Variants in STAU2 observed in about 807,000 individuals in gnomAD.
The protein encoded by STAU2 is staufen double-stranded RNA binding protein 2.
A neutral mutation model predicts 65.9 loss-of-function variants in STAU2; 20 were observed. That is an observed-to-expected ratio of 0.30 (90% CI 0.21 to 0.44). The LOEUF is 0.44. STAU2 is among the 20% of genes least tolerant of loss of function. STAU2 has a pLI of 1.00. For missense variants in STAU2, 558 were observed against 683.9 expected (o/e 0.82, Z 2.05); for synonymous variants, 232 against 233.9 (o/e 0.99, Z 0.07).
intron 13 of STAU2, among the ~76,000 whole-genome samples, chr8:73,546,159 GT>G (rs1267494900): frequency 5.3e-4 from 63 of 119,946 alleles, no homozygotes; most frequent in African/African-American, 1.9e-3. Flanking sequence ...TAGAGACAGA[GT>G]TTCACCATGT....
chr8:73,735,339 T>C (rs946046193), intron 3 of STAU2, among the ~76,000 whole-genome samples: 11 of 152,202 alleles, frequency 7.2e-5, no homozygotes, highest in Admixed American at 5.9e-4. Flanking sequence ...TATGTTTAGC[T>C]GAAGAGAGTC....
intron 13 of STAU2, among the ~76,000 whole-genome samples, chr8:73,502,179 T>A (rs1187474039): frequency 6.6e-6 from 1 of 151,968 alleles, no homozygotes; most frequent in Non-Finnish European, 1.5e-5. Context: ...TGTTCCCAAT[T>A]AAATAAAAAA....
At chr8:73,600,523 A>G (rs539267794) in intron 10 of STAU2, among the ~76,000 whole-genome samples, 2 of 152,182 alleles carry the variant, frequency 1.3e-5, no homozygotes, top group South Asian at 2.1e-4. Context: ...TGGATAATCT[A>G]CTCAAATCCC....
At chr8:73,560,399 T>A (rs1474502231) in intron 12 of STAU2, among the ~76,000 whole-genome samples, 1 of 152,168 alleles carries the variant, frequency 6.6e-6, no homozygotes, top group Non-Finnish European at 1.5e-5. Context: ...TATTTTAATG[T>A]GCTCAAAAAG....
chr8:73,605,842 TACACAC>T (rs1176899097), intron 9 of STAU2, among the ~76,000 whole-genome samples: 3,572 of 118,258 alleles, frequency 0.03, 81 homozygotes, highest in East Asian at 0.18. Context: ...CACATACACA[TACACAC>T]ACACACACAC....
chr8:73,577,466 T>C (rs1249093963), intron 12 of STAU2, among the ~76,000 whole-genome samples: 4 of 149,926 alleles, frequency 2.7e-5, no homozygotes, highest in Admixed American at 6.7e-5. Context: ...TACACACACA[T>C]ATATATAATA....
At position 73,612,355 on chromosome 8, in the gene STAU2, T is replaced by C. The variant is rs1812539398; in HGVS notation, c.891+1389A>G. ...AAGGTCAGTTACTATTCCCACTTTA[T>C]AAATGAAGAAATATTTTTAAAGTTA... On this transcript the variant is annotated intron_variant, in intron 9 of 14. Transcript: ENST00000524300. Among the ~76,000 whole-genome samples the C allele has an allele frequency of 3.9e-5, 6 of 152,306 alleles. No homozygotes were observed. In the South Asian group the frequency reaches 1.2e-3, roughly 32 times the overall value.
chr8:73,703,610 T>C (rs998097451), intron 4 of STAU2, among the ~76,000 whole-genome samples: 2 of 152,176 alleles, frequency 1.3e-5, no homozygotes, highest in African/African-American at 2.4e-5. Flanking sequence ...ATACACATAA[T>C]GGACTACTCC....
intron 6 of STAU2, among the ~76,000 whole-genome samples, chr8:73,655,724 C>T: frequency 6.9e-6 from 1 of 144,036 alleles, no homozygotes; most frequent in Non-Finnish European, 1.5e-5. Context: ...TCTCGGCTCA[C>T]TGCAAGCTCC....
At chr8:73,673,989 G>C (rs1041374652) in intron 5 of STAU2, among the ~76,000 whole-genome samples, 7 of 151,760 alleles carry the variant, frequency 4.6e-5, no homozygotes, top group African/African-American at 1.7e-4. Context: ...TACCTTAGCA[G>C]TGTAGGGTAT....
chr8:73,487,543 G>A (rs1352151311), intron 13 of STAU2, among the ~76,000 whole-genome samples: 1 of 152,066 alleles, frequency 6.6e-6, no homozygotes, highest in Non-Finnish European at 1.5e-5. Flanking sequence ...AGGGTGATAG[G>A]AGATCTTCTG....
At chr8:73,638,804 G>T (rs1814746350) in intron 6 of STAU2, among the ~76,000 whole-genome samples, 1 of 151,546 alleles carries the variant, frequency 6.6e-6, no homozygotes, top group Non-Finnish European at 1.5e-5. Context: ...AGATTAATAT[G>T]AAATGATCAC....
chr8:73,746,699 G>A, intron 1 of STAU2, 84 bp downstream of exon 1: 4 of 850,290 alleles, frequency 4.7e-6, no homozygotes, highest in East Asian at 3.4e-5. Context: ...CTGCGGAACT[G>A]CAGGGCTCCC....
At chr8:73,473,314 A>G (rs1820135735) in intron 13 of STAU2, among the ~76,000 whole-genome samples, 1 of 152,214 alleles carries the variant, frequency 6.6e-6, no homozygotes, top group Non-Finnish European at 1.5e-5. Context: ...AATACGCCTA[A>G]GACTCTTGGA....
intron 1 of STAU2, among the ~76,000 whole-genome samples, chr8:73,744,792 A>G (rs1807159089): frequency 6.6e-6 from 1 of 152,224 alleles, no homozygotes. Context: ...TGTGATAGAG[A>G]GCAAATAATA....
chr8:73,638,454 A>G lies in STAU2; in HGVS notation c.411-21003T>C, dbSNP rs539699006. Reference sequence around the variant, plus strand: ...TTTAAATCAATTTTTTACTAGTTGTACCAACTAAATCTAGTAAGAATATAA... The same window carrying G: ...TTTAAATCAATTTTTTACTAGTTGTGCCAACTAAATCTAGTAAGAATATAA... On this transcript the variant is annotated intron_variant, in intron 6 of 14. Transcript: ENST00000524300. Among the ~76,000 whole-genome samples the G allele has an allele frequency of 1.9e-4, 29 of 151,542 alleles. 1 individual carries two copies. The South Asian group carries it at 6.0e-3, about 32-fold the overall frequency.
At chr8:73,598,371 G>A (rs1445790712) in intron 10 of STAU2, among the ~76,000 whole-genome samples, 1 of 151,894 alleles carries the variant, frequency 6.6e-6, no homozygotes, top group Non-Finnish European at 1.5e-5. Context: ...GGAACTATAG[G>A]TGCCCGCCAC....
At chr8:73,745,031 G>T (rs1389305374) in intron 1 of STAU2, among the ~76,000 whole-genome samples, 1 of 152,162 alleles carries the variant, frequency 6.6e-6, no homozygotes, top group African/African-American at 2.4e-5. Flanking sequence ...GCAGTAATTT[G>T]TGAGCAAGTA....
chr8:73,745,755 G>C (rs531019379), intron 1 of STAU2, among the ~76,000 whole-genome samples: 1 of 152,100 alleles, frequency 6.6e-6, no homozygotes, highest in Non-Finnish European at 1.5e-5. Flanking sequence ...TTTGGAGTGG[G>C]GATGGGGGTA....
Sources: allele counts gnomAD v4.1 joint callset (sites outside exome capture counted in the v4.1 genomes callset), GRCh38; gene constraint gnomAD v4.1.1; transcripts MANE v1.5; gene names NCBI Gene and HGNC (gene_info 2026-07-23, HGNC 2026-07-21).